The following MPHOSPH9 variants were observed in gnomAD, a reference collection of about 807,000 sequenced individuals.
MPHOSPH9 encodes the protein M-phase phosphoprotein 9.
Under a neutral mutation model 145.5 loss-of-function variants are expected in MPHOSPH9, and 88 were observed. The ratio of observed to expected loss-of-function variants is 0.60; its 90% confidence interval spans 0.51 to 0.72. The LOEUF (loss-of-function observed/expected upper bound fraction) is 0.72. MPHOSPH9 is among the 30% of genes least tolerant of loss of function. The probability of loss-of-function intolerance (pLI) is 0.00; values close to 1 mark genes in which losing one functional copy is unlikely to be tolerated. For synonymous variants in MPHOSPH9, 435 were observed against 486.2 expected, an observed-to-expected ratio of 0.89 and a Z score of 1.39; for missense variants, 1,238 against 1,386.6, an observed-to-expected ratio of 0.89 and a Z score of 1.70.
At chr12:123,199,788 C>CAA (rs760965085) in intron 11 of MPHOSPH9, among the ~76,000 whole-genome samples, 3 of 83,468 alleles carry the variant, frequency 3.6e-5, no homozygotes, top group Admixed American at 1.4e-4. Flanking sequence ...GACTCCATCT[C>CAA]AAAAAAAAAA....
chr12:123,234,665 G>A (rs2047809804), upstream of MPHOSPH9, among the ~76,000 whole-genome samples: 2 of 152,180 alleles, frequency 1.3e-5, no homozygotes, highest in African/African-American at 4.8e-5. Flanking sequence ...CCAAAGTGCT[G>A]GGATTACAGG....
chr12:123,203,527 C>T (rs773391045), intron 8 of MPHOSPH9, 152 bp from the exon 9 acceptor site: 5 of 716,574 alleles, frequency 7.0e-6, no homozygotes, highest in Non-Finnish European at 1.1e-5. Flanking sequence ...GAAGTCATTA[C>T]CTAGTATGAT....
Position 123,179,967 on chromosome 12 carries a change from G to A in MPHOSPH9, c.2313C>T (p.Asn771=), listed in dbSNP as rs1727301. ...RVKDALNTTE[N]KLLDAYTQIS... Reference sequence around the variant, plus strand: ...TCTGAGTATATGCATCAAGCAATTTGTTCTCAGTTGTATTTAATGCATCCT... The same window carrying A: ...TCTGAGTATATGCATCAAGCAATTTATTCTCAGTTGTATTTAATGCATCCT... The change falls in exon 15 of 24, where the codon AAC becomes AAT. Residue 771 remains asparagine, a synonymous_variant. Coordinates refer to ENST00000606320, the MANE Select transcript of MPHOSPH9 (RefSeq NM_022782.4). 0.35 allele frequency: 499,100 copies of A among 1,407,994 alleles called. 99,122 individuals are homozygous for A. The highest frequency in any genetic ancestry group is 0.7 in the East Asian group (26,549 of 38,134). The allele number at this position is 1,407,994 out of a possible 1,614,324, so 87.2% of individuals were successfully genotyped here.
In MPHOSPH9 at chr12:123,162,095, T is replaced by C. The variant is rs770954584; in HGVS notation, c.3133+20A>G. 9 of 1,427,262 alleles carry C rather than the reference T, an allele frequency of 6.3e-6. No individual in the cohort carries two copies. In the East Asian group the frequency reaches 2.1e-4, roughly 33 times the overall value. The allele number at this position is 1,427,262 out of a possible 1,614,324, so 88.4% of individuals were successfully genotyped here. On this transcript the variant is annotated intron_variant, in intron 21 of 23. Coordinates refer to ENST00000606320, the MANE Select transcript of MPHOSPH9 (RefSeq NM_022782.4). ...AATGAATGATTAAAACCATAACTAA[T>C]ATTTTTTAGGAAAAGATACCTTCCG...
Position 123,224,110 on chromosome 12 carries a change from T to TTTTATATATATATATA in MPHOSPH9, c.259-984_259-983insTATATATATATATAAA, listed in dbSNP as rs1555231852. ...TCACCATGTTCGGCTAATTGCTAATTTATATATATATATATACACATTTTT... is the reference window on the plus strand; with the variant it reads ...TCACCATGTTCGGCTAATTGCTAATTTTTATATATATATATATATATATATATATATACACATTTTT... On this transcript the variant is annotated intron_variant, in intron 3 of 23. Coordinates refer to ENST00000606320, the MANE Select transcript of MPHOSPH9 (RefSeq NM_022782.4). Among the ~76,000 whole-genome samples the TTTTATATATATATATA allele has an allele frequency of 4.2e-5, 5 of 120,414 alleles. 1 individual carries two copies. In the East Asian group the frequency reaches 8.7e-4, roughly 21 times the overall value. 79.0% of individuals were successfully genotyped at this position (120,414 alleles called of 152,430 possible).
chr12:123,239,983 G>C (rs1000461269), intron 1 of MPHOSPH9, among the ~76,000 whole-genome samples: 2 of 152,116 alleles, frequency 1.3e-5, no homozygotes, highest in African/African-American at 4.8e-5. Flanking sequence ...CAGAATACTA[G>C]CAGCATCCTT....
chr12:123,154,521 G>A lies in MPHOSPH9; in HGVS notation c.*2286C>T, dbSNP rs2043824536. ...TCAAATATCAAAGCATATGCTGAGA[G>A]AGAGGCGCAGAAGATGTTTTGATGG... On this transcript the variant is annotated 3_prime_UTR_variant, in exon 24 of 24. Transcript: ENST00000606320. 6.6e-6 allele frequency: 1 copy of A among 152,218 alleles called. No individual in the cohort carries two copies. The highest frequency in any genetic ancestry group is 2.4e-5 in the African/African-American group (1 of 41,446). 9.4% of individuals were successfully genotyped at this position (152,218 alleles called of 1,614,324 possible).
chr12:123,226,301 T>C (rs1039219575), intron 3 of MPHOSPH9: 2 of 1,144,314 alleles, frequency 1.7e-6, no homozygotes, highest in Non-Finnish European at 2.2e-6. Context: ...TAGCAGTTGC[T>C]GCTATCGAAT....
At chr12:123,235,531 A>T (rs979821006), upstream of MPHOSPH9, among the ~76,000 whole-genome samples, 5 of 141,312 alleles carry the variant, frequency 3.5e-5, no homozygotes, top group Non-Finnish European at 4.7e-5. Flanking sequence ...GGCCCAGCTA[A>T]TTTTTTTTTT....
chr12:123,162,699 A>T, intron 20 of MPHOSPH9: 1 of 245,944 alleles, frequency 4.1e-6, no homozygotes. Context: ...ACTTTCCTGT[A>T]CAAATGGCCC....
chr12:123,180,339 C>A (rs749305804), intron 14 of MPHOSPH9, among the ~76,000 whole-genome samples: 1 of 152,188 alleles, frequency 6.6e-6, no homozygotes, highest in Non-Finnish European at 1.5e-5. Flanking sequence ...GATCTGCTCC[C>A]GAACCCTCAG....
intron 3 of MPHOSPH9, among the ~76,000 whole-genome samples, chr12:123,224,356 A>G (rs1477010397): frequency 6.6e-6 from 1 of 151,620 alleles, no homozygotes; most frequent in African/African-American, 2.4e-5. Flanking sequence ...GGATGGTCTC[A>G]ATCTCCTGAC....
intron 3 of MPHOSPH9, among the ~76,000 whole-genome samples, chr12:123,224,683 C>A (rs2695475): frequency 6.6e-6 from 1 of 152,148 alleles, no homozygotes; most frequent in Non-Finnish European, 1.5e-5. Context: ...TCCAGGCATG[C>A]GGATCATAGG....
At position 123,155,619 on chromosome 12, in the gene MPHOSPH9, C is replaced by T. The variant is rs549559242; in HGVS notation, c.*1188G>A. On this transcript the variant is annotated 3_prime_UTR_variant, in exon 24 of 24. Coordinates refer to ENST00000606320, the MANE Select transcript of MPHOSPH9 (RefSeq NM_022782.4). ...CCGAGCTGGAATATGTGGGGCACTG[C>T]GTTCTGATTGGCTACCAAAAACTAA... 2.0e-5 allele frequency: 3 copies of T among 152,324 alleles called. No homozygotes were observed. The highest frequency in any genetic ancestry group is 2.1e-4 in the South Asian group (1 of 4,830). The allele number at this position is 152,324 out of a possible 1,614,324, so 9.4% of individuals were successfully genotyped here.
In MPHOSPH9 at chr12:123,218,475, T is replaced by A. The variant is rs771641854; in HGVS notation, c.897A>T (p.Gln299His). Residue 299 changes from glutamine to histidine, a missense_variant, in exon 6 of 24, where the codon CAA becomes CAT. Physicochemically the swap from Gln to His is conservative, Grantham distance 24. Coordinates refer to ENST00000606320, the MANE Select transcript of MPHOSPH9 (RefSeq NM_022782.4). ...TNSNAITSWAQKLKQNQPKRA... is the reference protein window; with the variant it reads ...TNSNAITSWAHKLKQNQPKRA... ...TCTTTGGTTGGTTCTGCTTCAGTTT[T>A]TGTGCCCATGATGTTATAGCATTAC... is the stretch of plus-strand genomic sequence containing the variant. The A allele has an allele frequency of 6.2e-7, 1 of 1,614,054 alleles. No individual in the cohort carries two copies. Among genetic ancestry groups the A allele is most frequent in the Non-Finnish European group, 8.5e-7 (1 of 1,179,920 alleles).
upstream of MPHOSPH9, chr12:123,233,837 A>T (rs895083648): frequency 6.5e-6 from 1 of 153,060 alleles, no homozygotes; most frequent in South Asian, 2.1e-4. Context: ...GCCCAAGGCG[A>T]AACGGAAGGA....
At chr12:123,224,129 CAT>C (rs2047337227) in intron 3 of MPHOSPH9, among the ~76,000 whole-genome samples, 1 of 122,552 alleles carries the variant, frequency 8.2e-6, no homozygotes, top group Non-Finnish European at 1.7e-5. Flanking sequence ...TATATATACA[CAT>C]TTTTTTTTTT....
chr12:123,185,732 T>C (rs2045413688), intron 13 of MPHOSPH9, among the ~76,000 whole-genome samples: 1 of 151,604 alleles, frequency 6.6e-6, no homozygotes, highest in Non-Finnish European at 1.5e-5. Flanking sequence ...GGTGACAGAG[T>C]GAGATCCTGT....
At chr12:123,153,681 C>T (rs2043812541), downstream of MPHOSPH9, among the ~76,000 whole-genome samples, 7 of 142,624 alleles carry the variant, frequency 4.9e-5, no homozygotes, top group South Asian at 1.5e-3. Flanking sequence ...AGGAGAATAG[C>T]TTGAACCCAG....
Sources: allele counts gnomAD v4.1 joint callset (sites outside exome capture counted in the v4.1 genomes callset), GRCh38; gene constraint gnomAD v4.1.1; transcripts MANE v1.5; gene names NCBI Gene and HGNC (gene_info 2026-07-23, HGNC 2026-07-21).